The following VPS33A variants were observed in gnomAD, a reference collection of about 807,000 sequenced individuals.
VPS33A encodes the protein VPS33A core subunit of CORVET and HOPS complexes.
VPS33A carries 32 observed loss-of-function variants against 71.8 expected under a neutral mutation model. The observed-to-expected ratio is 0.45, with a 90% CI of 0.34 to 0.60. The LOEUF (loss-of-function observed/expected upper bound fraction) is 0.60. VPS33A is among the 20% of genes least tolerant of loss of function. The probability of loss-of-function intolerance (pLI) is 0.02; values close to 1 mark genes in which losing one functional copy is unlikely to be tolerated. For missense variants in VPS33A, 625 were observed against 748.5 expected (o/e 0.84, Z 1.92); for synonymous variants, 311 against 292.7 (o/e 1.06, Z -0.64).
chr12:122,261,666 C>T (rs889738382), intron 3 of VPS33A, among the ~76,000 whole-genome samples: 2 of 151,710 alleles, frequency 1.3e-5, no homozygotes, highest in African/African-American at 2.4e-5. Flanking sequence ...GTCAGGAGTT[C>T]GAGACCAGTC....
Position 122,266,340 on chromosome 12 carries a change from CA to C in VPS33A, c.68del (p.Leu23ArgfsTer14). Reference sequence around the variant, plus strand: ...CTGCGCACTTGTCCAGGAACTCGCGCAGCTCGCGACGCACCGCCTCGCGCAA... The same window carrying C: ...CTGCGCACTTGTCCAGGAACTCGCGCGCTCGCGACGCACCGCCTCGCGCAA... ...NVLREAVRRE[L>X]REFLDKCAGS... On this transcript the variant is annotated frameshift_variant, in exon 1 of 13. Transcript: ENST00000267199. LOFTEE classifies it high-confidence loss of function. 1 of 1,613,386 alleles carries C rather than the reference CA, an allele frequency of 6.2e-7. No individual in the cohort carries two copies. The highest frequency in any genetic ancestry group is 8.5e-7 in the Non-Finnish European group (1 of 1,179,974).
In VPS33A at chr12:122,262,603, C is replaced by CTT. The variant is rs5801474; in HGVS notation, c.296+967_296+968dup. ...GGATGCTATATTAAAATTTAATCAGCTTTTTTTTTTTTTTTGCTTATGAAA... is the reference window on the plus strand; with the variant it reads ...GGATGCTATATTAAAATTTAATCAGCTTTTTTTTTTTTTTTTTGCTTATGAAA... On this transcript the variant is annotated intron_variant, in intron 3 of 12. Transcript: ENST00000267199. Among the ~76,000 whole-genome samples the CTT allele has an allele frequency of 1.8e-3, 243 of 138,482 alleles. 2 individuals carry two copies. Among genetic ancestry groups the CTT allele is most frequent in the African/African-American group, 4.8e-3 (180 of 37,726 alleles). 90.8% of individuals were successfully genotyped at this position (138,482 alleles called of 152,430 possible).
At chr12:122,259,168 T>TA (rs1332685764) in intron 4 of VPS33A, among the ~76,000 whole-genome samples, 3 of 142,518 alleles carry the variant, frequency 2.1e-5, no homozygotes, top group Non-Finnish European at 3.0e-5. Context: ...CCTAGGGGTG[T>TA]GTGTGTGTGT....
At chr12:122,258,986 CAAAAAAA>C (rs749562489) in intron 4 of VPS33A, among the ~76,000 whole-genome samples, 19 of 53,214 alleles carry the variant, frequency 3.6e-4, no homozygotes, top group Non-Finnish European at 7.7e-4. Context: ...CAATCCATCT[CAAAAAAA>C]AAAAAAAAAA....
rs554641044 is a variant in VPS33A, at chr12:122,247,654, T to C, written c.775+2217A>G. ...TGGTAAATTGCACATAATATAAAAA[T>C]TACTACTTTGTTTTACAGTGAATGA... On this transcript the variant is annotated intron_variant, in intron 6 of 12. Transcript: ENST00000267199. Among the ~76,000 whole-genome samples the C allele has an allele frequency of 1.1e-3, 161 of 152,248 alleles. 1 individual carries two copies. The highest frequency in any genetic ancestry group is 2.7e-3 in the Admixed American group (41 of 15,282).
In VPS33A at chr12:122,232,365, T is replaced by C; in HGVS notation, c.1672A>G (p.Ile558Val). The C allele has an allele frequency of 6.2e-7, 1 of 1,614,226 alleles. No individual in the cohort carries two copies. Among genetic ancestry groups the C allele is most frequent in the Non-Finnish European group, 8.5e-7 (1 of 1,180,050 alleles). The stretch of plus-strand genomic sequence containing the variant: ...TGGGAGAGAAATCGCAGGGCAGCAA[T>C]TTCAGCGAAGGTTACGCCCCCAAGG... ...FFLGGVTFAE[I>V]AALRFLSQLE... Residue 558 changes from isoleucine to valine, a missense_variant, in exon 13 of 13, where the codon ATT becomes GTT. Physicochemically the swap from Ile to Val is conservative, Grantham distance 29 (BLOSUM62 3). Coordinates refer to ENST00000267199, the MANE Select transcript of VPS33A (RefSeq NM_022916.6).
chr12:122,231,349 C>T lies in VPS33A; in HGVS notation c.*897G>A, dbSNP rs1455437270. The T allele has an allele frequency of 6.6e-6, 1 of 152,172 alleles. No homozygotes were observed. Among genetic ancestry groups the T allele is most frequent in the African/African-American group, 2.4e-5 (1 of 41,448 alleles). 9.4% of individuals were successfully genotyped at this position (152,172 alleles called of 1,614,324 possible). ...TTTCTGGGCAAGAAGCTCCCCTAAA[C>T]CTCTTGCTTTGTAAGAAGTAGAAGG... is the stretch of plus-strand genomic sequence containing the variant. On this transcript the variant is annotated 3_prime_UTR_variant, in exon 13 of 13. Transcript: ENST00000267199.
intron 9 of VPS33A, 71 bp from the exon 10 acceptor site, chr12:122,238,795 ACACACAC>A: frequency 7.7e-7 from 1 of 1,296,520 alleles, no homozygotes; most frequent in Non-Finnish European, 1.1e-6. Flanking sequence ...ACACACACAC[ACACACAC>A]ACACAATACA....
chr12:122,240,371 A>G (rs530593185), intron 8 of VPS33A, among the ~76,000 whole-genome samples: 53 of 152,262 alleles, frequency 3.5e-4, no homozygotes, highest in African/African-American at 1.2e-3. Flanking sequence ...CAAGCAAGCA[A>G]TAAGTTCAAG....
At chr12:122,239,527 G>A (rs956167844) in intron 9 of VPS33A, among the ~76,000 whole-genome samples, 1 of 152,144 alleles carries the variant, frequency 6.6e-6, no homozygotes, top group African/African-American at 2.4e-5. Flanking sequence ...CAAGGTCGGA[G>A]ATCGAGACCA....
chr12:122,235,264 CTT>C (rs1305150700), intron 11 of VPS33A, among the ~76,000 whole-genome samples: 33 of 138,886 alleles, frequency 2.4e-4, no homozygotes, highest in Admixed American at 8.0e-4. Context: ...TGCCCCATAA[CTT>C]TTTTTTTTTT....
chr12:122,238,320 A>C (rs1277981537), intron 10 of VPS33A, among the ~76,000 whole-genome samples: 4 of 152,148 alleles, frequency 2.6e-5, no homozygotes, highest in African/African-American at 9.7e-5. Flanking sequence ...TCCTGCGTTC[A>C]AGCGATTCTC....
At chr12:122,242,274 A>T in intron 8 of VPS33A, 108 bp downstream of exon 8, 1 of 1,361,036 alleles carries the variant, frequency 7.3e-7, no homozygotes, top group Non-Finnish European at 1.0e-6. Context: ...TGGTATTAAG[A>T]CAGAGCTGAC....
intron 9 of VPS33A, among the ~76,000 whole-genome samples, chr12:122,238,963 C>T (rs1401261665): frequency 4.7e-5 from 7 of 148,676 alleles, no homozygotes; most frequent in African/African-American, 1.8e-4. Flanking sequence ...GGCCACCACA[C>T]ACACACACAC....
chr12:122,265,624 C>A, intron 1 of VPS33A: 1 of 385,448 alleles, frequency 2.6e-6, no homozygotes, highest in Non-Finnish European at 5.5e-6. Context: ...AGGCTGCTAG[C>A]ACCCACTTTA....
intron 3 of VPS33A, among the ~76,000 whole-genome samples, chr12:122,262,753 C>G (rs967956681): frequency 6.6e-6 from 1 of 151,940 alleles, no homozygotes; most frequent in African/African-American, 2.4e-5. Flanking sequence ...TTTTGGCTAT[C>G]TTGAAAGAAT....
chr12:122,243,472 C>A (rs1398810715), intron 7 of VPS33A, among the ~76,000 whole-genome samples: 1 of 152,190 alleles, frequency 6.6e-6, no homozygotes, highest in African/African-American at 2.4e-5. Context: ...CTTCTGGGCT[C>A]AAGCGATCCT....
At position 122,229,577 on chromosome 12, in the gene VPS33A, TTC is replaced by T. The variant is rs1954533329; in HGVS notation, c.*2667_*2668del. 3 of 152,190 alleles carry T rather than the reference TTC, an allele frequency of 2.0e-5. No homozygotes were observed. Among genetic ancestry groups the T allele is most frequent in the Admixed American group, 6.5e-5 (1 of 15,284 alleles). 9.4% of individuals were successfully genotyped at this position (152,190 alleles called of 1,614,324 possible). Reference sequence around the variant, plus strand: ...GACACAAAACAGTGTCTGTGTAGACTTCTTTATTAAGGGGGCTGCTGGTGTAG... The same window carrying T: ...GACACAAAACAGTGTCTGTGTAGACTTTTATTAAGGGGGCTGCTGGTGTAG... On this transcript the variant is annotated 3_prime_UTR_variant, in exon 13 of 13. Coordinates refer to ENST00000267199, the MANE Select transcript of VPS33A (RefSeq NM_022916.6).
chr12:122,264,085 A>G (rs1198853717), intron 2 of VPS33A, 49 bp downstream of exon 2: 6 of 1,422,004 alleles, frequency 4.2e-6, no homozygotes, highest in East Asian at 2.3e-5. Context: ...TGTAACTGCT[A>G]AAGTACAGAA....
Sources: gnomAD v4.1 joint callset for allele counts (sites outside exome capture counted in the v4.1 genomes callset) on GRCh38, gnomAD v4.1.1 for gene constraint, MANE v1.5 for transcripts, NCBI Gene and HGNC (gene_info 2026-07-23, HGNC 2026-07-21) for gene names.